Variants in PID1 observed in about 807,000 individuals in gnomAD.
The protein encoded by PID1 is PTB-containing, cubilin and LRP1-interacting protein.
Under a neutral mutation model 19.1 loss-of-function variants are expected in PID1, and 10 were observed. The ratio of observed to expected loss-of-function variants is 0.52; its 90% confidence interval spans 0.32 to 0.89. The LOEUF (loss-of-function observed/expected upper bound fraction) is 0.89, where lower values mean the gene tolerates loss of function less well. PID1 is among the 40% of genes least tolerant of loss of function. PID1 has a pLI of 0.03. For synonymous variants in PID1, 130 were observed against 116.0 expected (o/e 1.12, Z -0.78); for missense variants, 248 against 285.3 (o/e 0.87, Z 0.94).
At chr2:229,263,563 A>G (rs1690515829) in intron 1 of PID1, among the ~76,000 whole-genome samples, 1 of 152,188 alleles carries the variant, frequency 6.6e-6, no homozygotes, top group Non-Finnish European at 1.5e-5. Flanking sequence ...AGGCCAAGGT[A>G]TGACCATCTG....
intron 2 of PID1, among the ~76,000 whole-genome samples, chr2:229,129,472 T>G (rs1466612637): frequency 6.7e-6 from 1 of 150,010 alleles, no homozygotes; most frequent in Non-Finnish European, 1.5e-5. Context: ...ATATCAGCAA[T>G]CACAGCTACT....
intron 2 of PID1, among the ~76,000 whole-genome samples, chr2:229,147,541 G>T (rs1192939485): frequency 3.3e-5 from 5 of 151,440 alleles, no homozygotes; most frequent in Non-Finnish European, 7.4e-5. Flanking sequence ...TTATAAAAAT[G>T]GATACTAATA....
intron 2 of PID1, among the ~76,000 whole-genome samples, chr2:229,127,655 C>CCTCCACCCACTAG (rs1695650305): frequency 6.6e-6 from 1 of 152,160 alleles, no homozygotes; most frequent in Non-Finnish European, 1.5e-5. Context: ...TGTACAGTGG[C>CCTCCACCCACTAG]ATCCCCGGCC....
intron 1 of PID1, among the ~76,000 whole-genome samples, chr2:229,252,808 C>A (rs549213883): frequency 2.0e-5 from 3 of 152,090 alleles, no homozygotes; most frequent in African/African-American, 7.2e-5. Flanking sequence ...TTTGGTTGCA[C>A]AACACTTCCC....
intron 2 of PID1, among the ~76,000 whole-genome samples, chr2:229,031,068 T>C (rs903803688): frequency 6.6e-6 from 1 of 150,704 alleles, no homozygotes; most frequent in Non-Finnish European, 1.5e-5. Context: ...ATACAAAAAT[T>C]AGCCGGGTGT....
At position 229,025,278 on chromosome 2, in the gene PID1, C is replaced by T. The variant is rs946695109; in HGVS notation, c.*354G>A. On this transcript the variant is annotated 3_prime_UTR_variant, in exon 3 of 3. Transcript: ENST00000392055. ...TCTTGTGGAATTTCATAAGGCAGAT[C>T]GGAATGGCCCATCCAATAACAGCTG... 5.7e-5 allele frequency: 13 copies of T among 229,372 alleles called. No homozygotes were observed. Among genetic ancestry groups the T allele is most frequent in the Admixed American group, 4.2e-4 (8 of 19,230 alleles). 14.2% of individuals were successfully genotyped at this position (229,372 alleles called of 1,614,324 possible). A position where few individuals can be genotyped will look rare whatever the true frequency, so the allele number is the denominator to read the frequency against.
intron 1 of PID1, among the ~76,000 whole-genome samples, chr2:229,209,150 T>C (rs1266962542): frequency 6.6e-6 from 1 of 152,216 alleles, no homozygotes; most frequent in African/African-American, 2.4e-5. Context: ...CCTGATCTTT[T>C]GGGGCTTGCT....
At chr2:229,233,459 T>G (rs913012714) in intron 1 of PID1, among the ~76,000 whole-genome samples, 1 of 150,342 alleles carries the variant, frequency 6.7e-6, no homozygotes, top group Non-Finnish European at 1.5e-5. Context: ...GGTCTTGAAA[T>G]CCAGGTAACT....
intron 1 of PID1, among the ~76,000 whole-genome samples, chr2:229,203,081 A>G (rs1691532706): frequency 6.6e-6 from 1 of 152,120 alleles, no homozygotes; most frequent in Admixed American, 6.6e-5. Flanking sequence ...GGTACCGGTT[A>G]CAAAAGAAGA....
intron 1 of PID1, among the ~76,000 whole-genome samples, chr2:229,162,404 C>A (rs1046182727): frequency 2.0e-5 from 3 of 152,298 alleles, no homozygotes; most frequent in African/African-American, 2.4e-5. Context: ...GAAGGCAAAG[C>A]CTGCTTAATG....
chr2:229,242,924 A>C (rs1050863232), intron 1 of PID1, among the ~76,000 whole-genome samples: 2 of 152,134 alleles, frequency 1.3e-5, no homozygotes, highest in African/African-American at 4.8e-5. Context: ...GCCTGAGTTC[A>C]CAGCTCTGTG....
intron 1 of PID1, chr2:229,262,725 C>T (rs1690491100): frequency 2.6e-6 from 4 of 1,551,442 alleles, no homozygotes; most frequent in Non-Finnish European, 3.5e-6. Context: ...GTTGGCAGGG[C>T]CACACACCAT....
chr2:229,061,590 G>GTGTTTTA (rs1694213368), intron 2 of PID1, among the ~76,000 whole-genome samples: 1 of 151,704 alleles, frequency 6.6e-6, no homozygotes, highest in Admixed American at 6.6e-5. Flanking sequence ...ACTATTTGGG[G>GTGTTTTA]TGTTTTATGG....
intron 2 of PID1, among the ~76,000 whole-genome samples, chr2:229,056,169 G>C (rs1694095981): frequency 6.6e-6 from 1 of 152,118 alleles, no homozygotes. Context: ...CCTGGATCCA[G>C]ATTAGCCAAG....
intron 1 of PID1, among the ~76,000 whole-genome samples, chr2:229,215,070 C>G (rs747267824): frequency 6.6e-6 from 1 of 152,194 alleles, no homozygotes; most frequent in Non-Finnish European, 1.5e-5. Flanking sequence ...AATTAACACT[C>G]CCACAAATAA....
chr2:229,039,611 C>T (rs957876712), intron 2 of PID1, among the ~76,000 whole-genome samples: 1 of 152,096 alleles, frequency 6.6e-6, no homozygotes, highest in Non-Finnish European at 1.5e-5. Context: ...AATGAAATCC[C>T]TAGATTATCT....
intron 2 of PID1, among the ~76,000 whole-genome samples, chr2:229,127,009 C>T (rs1484249004): frequency 1.3e-5 from 2 of 152,246 alleles, no homozygotes; most frequent in African/African-American, 4.8e-5. Context: ...GTCCTCAAAG[C>T]CCTGTCTATT....
chr2:229,099,269 G>A (rs536397890), intron 2 of PID1, among the ~76,000 whole-genome samples: 20 of 152,286 alleles, frequency 1.3e-4, no homozygotes, highest in African/African-American at 4.6e-4. Flanking sequence ...GTAAGGGATT[G>A]AGGAAAGTAA....
At chr2:229,265,528 A>T (rs1690572723) in intron 1 of PID1, among the ~76,000 whole-genome samples, 1 of 152,196 alleles carries the variant, frequency 6.6e-6, no homozygotes, top group Non-Finnish European at 1.5e-5. Flanking sequence ...ACAGTAGACT[A>T]ATTCCACTAG....
Sources: gnomAD v4.1 joint callset for allele counts (sites outside exome capture counted in the v4.1 genomes callset) on GRCh38, gnomAD v4.1.1 for gene constraint, MANE v1.5 for transcripts, NCBI Gene and HGNC (gene_info 2026-07-23, HGNC 2026-07-21) for gene names.